The following PTPRN2 variants were observed in gnomAD, a reference collection of about 807,000 sequenced individuals.
PTPRN2 encodes receptor-type tyrosine-protein phosphatase N2.
In PTPRN2, 74 loss-of-function variants were observed where a neutral mutation model predicts 118.8. That is an observed-to-expected ratio of 0.62 (90% CI 0.52 to 0.76). The LOEUF is 0.76. Ranked by LOEUF, PTPRN2 falls within the 30% of genes least tolerant of loss-of-function variation. The pLI is 0.00. For missense variants in PTPRN2, 1,481 were observed against 1,394.4 expected, an observed-to-expected ratio of 1.06 and a Z score of -0.99; for synonymous variants, 641 against 608.0, an observed-to-expected ratio of 1.05 and a Z score of -0.80.
intron 5 of PTPRN2, among the ~76,000 whole-genome samples, chr7:158,186,158 C>T (rs1825113265): frequency 6.6e-6 from 1 of 152,178 alleles, no homozygotes; most frequent in African/African-American, 2.4e-5. Flanking sequence ...AAATTTAGGC[C>T]GAATTCTCCC....
intron 12 of PTPRN2, chr7:157,740,500 A>G (rs909131305): frequency 1.3e-5 from 2 of 151,930 alleles, no homozygotes; most frequent in African/African-American, 4.9e-5. Context: ...CGGGAGCCTG[A>G]CCAGCTCCGG....
intron 13 of PTPRN2, among the ~76,000 whole-genome samples, chr7:157,681,098 GCA>G (rs1796894166): frequency 6.6e-6 from 1 of 151,752 alleles, no homozygotes; most frequent in Non-Finnish European, 1.5e-5. Flanking sequence ...TTTTCAACCT[GCA>G]GTTTTTTTTT....
At chr7:158,331,752 C>G (rs1164668838) in intron 2 of PTPRN2, among the ~76,000 whole-genome samples, 84 of 151,030 alleles carry the variant, frequency 5.6e-4, no homozygotes, top group Non-Finnish European at 8.1e-4. Context: ...AGACGTCACT[C>G]AAACTCACAC....
rs575575149 is a variant in PTPRN2, at chr7:157,550,743, C to T, written c.2903-1724G>A. Among the ~76,000 whole-genome samples, 6 of 152,306 alleles carry T rather than the reference C, an allele frequency of 3.9e-5. No individual in the cohort carries two copies. The South Asian group carries it at 1.0e-3, about 26-fold the overall frequency. ...CCAGAGCCTCTGCAGGCATAAAAGG[C>T]GGCTTTCTTTTGCGGCAGCCCGTGA... On this transcript the variant is annotated intron_variant, in intron 21 of 22. Coordinates refer to ENST00000389418, the MANE Select transcript of PTPRN2 (RefSeq NM_002847.5). This position sits in a 1 kb window ranked among gnomAD's most constrained non-coding sequence, Gnocchi z 5.2.
rs556539477 is a variant in PTPRN2 at position 157,665,541 on chromosome 7, C to T, written c.2002-8990G>A. Among the ~76,000 whole-genome samples, 9 of 152,336 alleles carry T rather than the reference C, an allele frequency of 5.9e-5. No individual in the cohort carries two copies. The East Asian group carries it at 7.7e-4, about 13-fold the overall frequency. On this transcript the variant is annotated intron_variant, in intron 13 of 22. Coordinates refer to ENST00000389418, the MANE Select transcript of PTPRN2 (RefSeq NM_002847.5). ...GCCTGCCTGGCCCTGAAGGCACCCA[C>T]GGGGCCACTCCCACCAGGGTGTGGA...
chr7:158,473,989 A>G (rs1820058484), intron 2 of PTPRN2, among the ~76,000 whole-genome samples: 2 of 152,220 alleles, frequency 1.3e-5, no homozygotes, highest in Admixed American at 6.5e-5. Flanking sequence ...CAAAAAAAAA[A>G]TCCCTTTCTC....
intron 2 of PTPRN2, among the ~76,000 whole-genome samples, chr7:158,489,309 C>T (rs1425199012): frequency 6.6e-6 from 1 of 152,158 alleles, no homozygotes; most frequent in African/African-American, 2.4e-5. Context: ...TAGCCGGGTG[C>T]AGTGGCGCAC....
At chr7:158,387,799 C>T (rs1811610551) in intron 2 of PTPRN2, among the ~76,000 whole-genome samples, 1 of 152,110 alleles carries the variant, frequency 6.6e-6, no homozygotes, top group African/African-American at 2.4e-5. Flanking sequence ...TCAAAGTCTC[C>T]AAGCCGCTGC....
At chr7:158,119,871 A>C (rs1817015970) in intron 9 of PTPRN2, among the ~76,000 whole-genome samples, 1 of 152,166 alleles carries the variant, frequency 6.6e-6, no homozygotes, top group African/African-American at 2.4e-5. Flanking sequence ...AAAAGAATTG[A>C]AAACAGGGTC....
intron 12 of PTPRN2, among the ~76,000 whole-genome samples, chr7:157,710,874 A>G (rs892815749): frequency 2.9e-4 from 4 of 13,920 alleles, no homozygotes; most frequent in African/African-American, 1.1e-3. Context: ...GTTCCGGGGC[A>G]GCCGGGTTAC....
chr7:157,693,448 A>T (rs957936441), intron 12 of PTPRN2, among the ~76,000 whole-genome samples: 1 of 152,056 alleles, frequency 6.6e-6, no homozygotes, highest in Non-Finnish European at 1.5e-5. Flanking sequence ...GAACGCGCGC[A>T]GGCCCCGGGA....
At chr7:157,758,790 G>GT (rs1384474203) in intron 12 of PTPRN2, among the ~76,000 whole-genome samples, 1 of 151,694 alleles carries the variant, frequency 6.6e-6, no homozygotes, top group Non-Finnish European at 1.5e-5. Flanking sequence ...CTGCACAGCA[G>GT]AAGGCCCTGC....
chr7:157,832,791 C>T (rs1807653416), intron 12 of PTPRN2, among the ~76,000 whole-genome samples: 1 of 152,194 alleles, frequency 6.6e-6, no homozygotes, highest in Admixed American at 6.5e-5. Context: ...GTATATGGAG[C>T]AGTTCTCTTC....
In PTPRN2 at chr7:157,576,880, G is replaced by T. The variant is rs117677081; in HGVS notation, c.2617-101C>A. The T allele has an allele frequency of 1.0e-4, 124 of 1,215,924 alleles. No individual in the cohort carries two copies. In the East Asian group the frequency reaches 3.2e-3, roughly 31 times the overall value. 75.3% of individuals were successfully genotyped at this position (1,215,924 alleles called of 1,614,324 possible). A position where few individuals can be genotyped will look rare whatever the true frequency, so the allele number is the denominator to read the frequency against. On this transcript the variant is annotated intron_variant, in intron 18 of 22. Coordinates refer to ENST00000389418, the MANE Select transcript of PTPRN2 (RefSeq NM_002847.5). ...CCAGGGCCACGTCTGACCAGAGAAGGGGGCGCTGCGAAGAGGGCACATTTT... is the reference window on the plus strand; with the variant it reads ...CCAGGGCCACGTCTGACCAGAGAAGTGGGCGCTGCGAAGAGGGCACATTTT...
chr7:157,833,775 T>A (rs1019069177), intron 12 of PTPRN2, among the ~76,000 whole-genome samples: 6 of 152,334 alleles, frequency 3.9e-5, no homozygotes, highest in Non-Finnish European at 7.3e-5. Flanking sequence ...ATTTCAATAT[T>A]TTGCATTTCT....
chr7:157,728,607 G>A (rs1297490413), intron 12 of PTPRN2, among the ~76,000 whole-genome samples: 1 of 152,246 alleles, frequency 6.6e-6, no homozygotes, highest in Non-Finnish European at 1.5e-5. Context: ...CCACAGAAAG[G>A]CTTTTGAAGA....
chr7:157,702,559 G>A (rs537231549), intron 12 of PTPRN2, among the ~76,000 whole-genome samples: 7 of 152,324 alleles, frequency 4.6e-5, no homozygotes, highest in East Asian at 1.9e-4. Context: ...CCTGTCCACC[G>A]GCAGGCGTGC....
chr7:158,430,235 C>G (rs1816057533), intron 2 of PTPRN2, among the ~76,000 whole-genome samples: 1 of 152,148 alleles, frequency 6.6e-6, no homozygotes, highest in African/African-American at 2.4e-5. Context: ...AACAACAATG[C>G]TTTGTAAGGA....
intron 11 of PTPRN2, among the ~76,000 whole-genome samples, chr7:158,071,450 CGTGGTTGAGGTGCTCGTG>C (rs1455159537): frequency 2.2e-4 from 6 of 26,854 alleles, no homozygotes; most frequent in African/African-American, 5.4e-4. Context: ...TGGAGGTGCT[CGTGGTTGAGGTGCTCGTG>C]GTGGTGGAGG....
Sources: allele counts gnomAD v4.1 joint callset (sites outside exome capture counted in the v4.1 genomes callset), GRCh38; gene constraint gnomAD v4.1.1; non-coding constraint Gnocchi (gnomAD v3.1); transcripts MANE v1.5; gene names NCBI Gene and HGNC (gene_info 2026-07-23, HGNC 2026-07-21).